CTTN: variants seen among roughly 807,000 people sequenced by gnomAD.
CTTN encodes the protein src substrate cortactin.
Under a neutral mutation model 84.0 loss-of-function variants are expected in CTTN, and 28 were observed. The ratio of observed to expected loss-of-function variants is 0.33; its 90% CI spans 0.25 to 0.46. CTTN has a LOEUF of 0.46. Among genes scored for constraint, CTTN ranks in the 20% least tolerant of loss-of-function variants. The probability of loss-of-function intolerance (pLI) is 1.00; values close to 1 mark genes in which losing one functional copy is unlikely to be tolerated. For missense variants in CTTN, 641 were observed against 723.8 expected (o/e 0.89, Z 1.31); for synonymous variants, 301 against 288.8 (o/e 1.04, Z -0.43).
chr11:70,432,726 C>T (rs1457046263), intron 15 of CTTN, among the ~76,000 whole-genome samples: 2 of 152,198 alleles, frequency 1.3e-5, no homozygotes, highest in Non-Finnish European at 2.9e-5. Context: ...CCCAAGGGTG[C>T]CTTGTGTGGC....
intron 1 of CTTN, among the ~76,000 whole-genome samples, chr11:70,403,186 C>CTTTTTTTTTTTTTTTT (rs1209259210): frequency 8.7e-6 from 1 of 114,706 alleles, no homozygotes; most frequent in Admixed American, 1.0e-4. Flanking sequence ...ATAAGAGTTC[C>CTTTTTTTTTTTTTTTT]TTTTTTTTTT....
intron 15 of CTTN, 72 bp downstream of exon 15, chr11:70,431,352 A>T: frequency 6.7e-7 from 1 of 1,495,960 alleles, no homozygotes; most frequent in East Asian, 2.3e-5. Context: ...TGTGGAGTGG[A>T]GGAAGCCCTT....
At position 70,435,549 on chromosome 11, in the gene CTTN, GC is replaced by G. The variant is rs751338803; in HGVS notation, c.*389del. The G allele has an allele frequency of 1.3e-6, 2 of 1,573,462 alleles. No individual in the cohort carries two copies. Among genetic ancestry groups the G allele is most frequent in the South Asian group, 2.3e-5 (2 of 87,226 alleles). Reference sequence around the variant, plus strand: ...CGGGACCTCCCAGGACAAGCACGAGGCCTCAGGTCGGCCCTGTGGCGGGTAG... The same window carrying G: ...CGGGACCTCCCAGGACAAGCACGAGGCTCAGGTCGGCCCTGTGGCGGGTAG... On this transcript the variant is annotated 3_prime_UTR_variant, in exon 18 of 18. Transcript: ENST00000301843.
At chr11:70,434,485 G>A (rs2058392608) in intron 17 of CTTN, among the ~76,000 whole-genome samples, 1 of 152,274 alleles carries the variant, frequency 6.6e-6, no homozygotes, top group Non-Finnish European at 1.5e-5. Context: ...TACCATAAGT[G>A]AGCGCTGGCC....
intron 6 of CTTN, among the ~76,000 whole-genome samples, chr11:70,415,453 G>A (rs996841420): frequency 9.2e-5 from 14 of 152,186 alleles, no homozygotes; most frequent in African/African-American, 3.1e-4. Flanking sequence ...CTTGGCCTGC[G>A]CCGCCCACTG....
At chr11:70,434,953 G>A in intron 17 of CTTN, 73 bp from the exon 18 acceptor site, 6 of 1,544,972 alleles carry the variant, frequency 3.9e-6, no homozygotes, top group Non-Finnish European at 5.3e-6. Flanking sequence ...AGCTTGCTCT[G>A]GGTTGTGCTT....
chr11:70,412,618 G>A (rs2058107133), intron 5 of CTTN, among the ~76,000 whole-genome samples: 1 of 152,192 alleles, frequency 6.6e-6, no homozygotes, highest in African/African-American at 2.4e-5. Context: ...GAGCCTGGAC[G>A]GGCTGTCAGG....
At chr11:70,405,438 G>A (rs2058031209) in intron 2 of CTTN, 77 bp downstream of exon 2, 1 of 152,156 alleles carries the variant, frequency 6.6e-6, no homozygotes, top group Admixed American at 6.5e-5. Context: ...ACAGGAAACG[G>A]GGGAGGTTGC....
In CTTN at chr11:70,434,284, C is replaced by G. The variant is rs998347481; in HGVS notation, c.1516+566C>G. On this transcript the variant is annotated intron_variant, in intron 17 of 17. Transcript: ENST00000301843. ...AGGTCTTGGAGACCATGCGGTGGGGCTCTCTGCTGGGCCGCATAGCATCCA... is the reference window on the plus strand; with the variant it reads ...AGGTCTTGGAGACCATGCGGTGGGGGTCTCTGCTGGGCCGCATAGCATCCA... 3.9e-5 allele frequency among the ~76,000 whole-genome samples: 6 copies of G among 152,246 alleles called. No individual in the cohort carries two copies. The East Asian group carries it at 5.8e-4, about 15-fold the overall frequency.
intron 13 of CTTN, among the ~76,000 whole-genome samples, chr11:70,428,744 G>C (rs970666750): frequency 1.1e-4 from 16 of 152,348 alleles, no homozygotes; most frequent in Non-Finnish European, 2.1e-4. Flanking sequence ...ATGTCTTTAA[G>C]GGAAATTGGC....
chr11:70,403,897 A>G (rs1403158875), intron 1 of CTTN, among the ~76,000 whole-genome samples: 1 of 152,094 alleles, frequency 6.6e-6, no homozygotes, highest in Non-Finnish European at 1.5e-5. Flanking sequence ...TGATTTATGT[A>G]TGAGACAGGG....
rs780456539 is a variant in CTTN, at chr11:70,407,372, C to T, written c.75C>T (p.Asp25=). ...CGGGGGCCGATGACTGGGAGACCGA[C>T]CCTGATTTTGTGGTAGGAGCCGCCA... is the stretch of plus-strand genomic sequence containing the variant. ...DDAGADDWET[D]PDFVNDVSEK... The change falls in exon 3 of 18, where the codon GAC becomes GAT. Residue 25 remains aspartate, a synonymous_variant. Transcript: ENST00000301843. 2.5e-6 allele frequency: 4 copies of T among 1,595,542 alleles called. No individual in the cohort carries two copies. In the South Asian group the frequency reaches 4.5e-5, roughly 18 times the overall value.
At chr11:70,434,233 G>A (rs1466191280) in intron 17 of CTTN, among the ~76,000 whole-genome samples, 2 of 152,252 alleles carry the variant, frequency 1.3e-5, no homozygotes, top group Non-Finnish European at 2.9e-5. Context: ...CTCAGGGCCA[G>A]GCTGAGCTGT....
intron 3 of CTTN, 29 bp downstream of exon 3, chr11:70,407,413 T>C (rs1470548865): frequency 6.2e-7 from 1 of 1,613,090 alleles, no homozygotes; most frequent in East Asian, 2.2e-5. Context: ...TGCTTTCCTC[T>C]TTCATGAAGT....
At position 70,429,143 on chromosome 11, in the gene CTTN, G is replaced by A. The variant is rs781489219; in HGVS notation, c.1120G>A (p.Ala374Thr). Residue 374 changes from alanine to threonine, a missense_variant, in exon 14 of 18, where the codon GCC becomes ACC. By Grantham distance (58) the Ala-to-Thr change is moderately conservative. Coordinates refer to ENST00000301843, the MANE Select transcript of CTTN (RefSeq NM_005231.4). ...EDRRKAEAERAQRMAKERQEQ... is the reference protein window; with the variant it reads ...EDRRKAEAERTQRMAKERQEQ... ...CAGGCGGAAGGCGGAGGCGGAGAGA[G>A]CCCAGCGGATGGCCAAGGAGCGGCA... is the stretch of plus-strand genomic sequence containing the variant. The A allele has an allele frequency of 6.2e-7, 1 of 1,614,060 alleles. No homozygotes were observed. The highest frequency in any genetic ancestry group is 8.5e-7 in the Non-Finnish European group (1 of 1,180,040).
intron 11 of CTTN, chr11:70,422,503 A>G: frequency 7.8e-7 from 1 of 1,288,852 alleles, no homozygotes; most frequent in Non-Finnish European, 1.0e-6. Flanking sequence ...TTTTTCTCTT[A>G]AAAAGCAAGA....
intron 15 of CTTN, among the ~76,000 whole-genome samples, chr11:70,431,540 C>CA (rs1292074718): frequency 2.0e-5 from 3 of 152,114 alleles, no homozygotes; most frequent in Admixed American, 1.3e-4. Context: ...TGGCCACTGT[C>CA]ACTGCAGTCC....
rs1042020020 is a variant in CTTN, at chr11:70,419,783, C to A, written c.606C>A (p.Asp202Glu). The change falls in exon 9 of 18, where the codon GAC becomes GAA. Residue 202 changes from aspartate to glutamate, a missense_variant. Coordinates refer to ENST00000301843, the MANE Select transcript of CTTN (RefSeq NM_005231.4). Reference sequence around the variant, plus strand: ...GTTTCGGCGGCAAATACGGTATCGACAAGGACAAAGTGGATAAGAGCGCCG... The same window carrying A: ...GTTTCGGCGGCAAATACGGTATCGAAAAGGACAAAGTGGATAAGAGCGCCG... ...SKGFGGKYGIDKDKVDKSAVG... is the reference protein window; with the variant it reads ...SKGFGGKYGIEKDKVDKSAVG... The A allele has an allele frequency of 1.2e-6, 2 of 1,612,154 alleles. No homozygotes were observed. The highest frequency in any genetic ancestry group is 2.7e-5 in the African/African-American group (2 of 74,788).
chr11:70,406,423 T>G (rs2058041555), intron 2 of CTTN, among the ~76,000 whole-genome samples: 1 of 152,268 alleles, frequency 6.6e-6, no homozygotes, highest in African/African-American at 2.4e-5. Flanking sequence ...AGCTTATGGT[T>G]GTTTGATTTA....
Sources: gnomAD v4.1 joint callset for allele counts (sites outside exome capture counted in the v4.1 genomes callset) on GRCh38, gnomAD v4.1.1 for gene constraint, MANE v1.5 for transcripts, NCBI Gene and HGNC (gene_info 2026-07-23, HGNC 2026-07-21) for gene names.